Variants in FOLH1 observed in about 807,000 individuals in gnomAD.
FOLH1 encodes the protein folate hydrolase 1.
FOLH1 carries 54 observed loss-of-function variants against 93.9 expected under a neutral mutation model. The observed-to-expected ratio is 0.57, with a 90% CI of 0.46 to 0.72. The LOEUF (loss-of-function observed/expected upper bound fraction) is 0.72, where lower values mean the gene tolerates loss of function less well. Ranked by LOEUF, FOLH1 falls within the 30% of genes least tolerant of loss-of-function variation. FOLH1 has a pLI of 0.00. For synonymous variants in FOLH1, 249 were observed against 303.6 expected (o/e 0.82, Z 1.87); for missense variants, 571 against 892.5 (o/e 0.64, Z 4.59).
intron 3 of FOLH1, among the ~76,000 whole-genome samples, chr11:49,194,175 G>C (rs1165202023): frequency 6.6e-6 from 1 of 150,708 alleles, no homozygotes; most frequent in Admixed American, 6.6e-5. Context: ...TATCCTTCAG[G>C]GTTAAGGATA....
chr11:49,171,088 T>C, intron 11 of FOLH1, 107 bp downstream of exon 11: 5 of 1,266,268 alleles, frequency 3.9e-6, no homozygotes, highest in Non-Finnish European at 5.2e-6. Context: ...GGAAAAAACT[T>C]TGAATACTTT....
intron 12 of FOLH1, among the ~76,000 whole-genome samples, chr11:49,166,710 C>T (rs2950754): frequency 1.3e-5 from 2 of 149,746 alleles, no homozygotes; most frequent in Non-Finnish European, 3.0e-5. Context: ...GAGAAAGAAA[C>T]ATTAATACAA....
chr11:49,188,967 G>A (rs1861717248), intron 4 of FOLH1, among the ~76,000 whole-genome samples: 1 of 152,146 alleles, frequency 6.6e-6, no homozygotes, highest in Non-Finnish European at 1.5e-5. Context: ...CTAAGAATTT[G>A]TTACATAGCT....
intron 15 of FOLH1, among the ~76,000 whole-genome samples, chr11:49,156,294 T>C (rs1216045080): frequency 6.6e-6 from 1 of 152,160 alleles, no homozygotes; most frequent in Non-Finnish European, 1.5e-5. Flanking sequence ...ATTTGTTTAA[T>C]AATTGGAGAT....
chr11:49,161,370 C>T (rs540217394), intron 13 of FOLH1, among the ~76,000 whole-genome samples: 7 of 152,148 alleles, frequency 4.6e-5, no homozygotes, highest in African/African-American at 7.2e-5. Flanking sequence ...AATCCTTTAC[C>T]GTTACGTGAT....
At chr11:49,159,995 T>C (rs1397518802) in intron 13 of FOLH1, among the ~76,000 whole-genome samples, 1 of 152,012 alleles carries the variant, frequency 6.6e-6, no homozygotes, top group Non-Finnish European at 1.5e-5. Context: ...CGATCTCTGC[T>C]CACTGCAACC....
chr11:49,180,492 A>T (rs1231434817), intron 7 of FOLH1, among the ~76,000 whole-genome samples: 1 of 152,226 alleles, frequency 6.6e-6, no homozygotes, highest in African/African-American at 2.4e-5. Flanking sequence ...AGTTCTCAGC[A>T]TTCTTCGGCC....
intron 13 of FOLH1, among the ~76,000 whole-genome samples, chr11:49,158,730 C>A (rs1590446743): frequency 6.6e-6 from 1 of 152,060 alleles, no homozygotes; most frequent in South Asian, 2.1e-4. Context: ...GCAATATGGC[C>A]GTTTTAATGA....
chr11:49,187,936 T>C lies in FOLH1; in HGVS notation c.514-1167A>G, dbSNP rs372955931. Among the ~76,000 whole-genome samples, 335 of 152,338 alleles carry C rather than the reference T, an allele frequency of 2.2e-3. 15 individuals are homozygous for C. The South Asian group carries it at 0.067, about 31-fold the overall frequency. ...TGAGAAACTATTCCAGACCTCCTTA[T>C]GGGCTTAGCCAAGGCTATCCTTCAG... On this transcript the variant is annotated intron_variant, in intron 4 of 18. Coordinates refer to ENST00000256999, the MANE Select transcript of FOLH1 (RefSeq NM_004476.3).
At chr11:49,154,118 G>T in intron 16 of FOLH1, 110 bp downstream of exon 16, 3 of 1,473,982 alleles carry the variant, frequency 2.0e-6, no homozygotes, top group South Asian at 2.7e-5. Flanking sequence ...ACAGAATATT[G>T]GATCACTTGA....
At chr11:49,161,826 C>A (rs920640455) in intron 13 of FOLH1, among the ~76,000 whole-genome samples, 2 of 152,200 alleles carry the variant, frequency 1.3e-5, no homozygotes, top group Non-Finnish European at 2.9e-5. Context: ...CTGGTGGTAA[C>A]AAATTCCCTC....
At chr11:49,177,705 T>C (rs626706) in intron 7 of FOLH1, among the ~76,000 whole-genome samples, 2 of 148,418 alleles carry the variant, frequency 1.3e-5, no homozygotes, top group Non-Finnish European at 3.0e-5. Context: ...CCCAGCACTT[T>C]GGGAGGGCGA....
At chr11:49,186,554 A>G (rs1861406923) in intron 5 of FOLH1, 90 bp downstream of exon 5, 1 of 1,405,636 alleles carries the variant, frequency 7.1e-7, no homozygotes, top group African/African-American at 1.4e-5. Context: ...TGGTATTCAT[A>G]AAGTTTTAAG....
intron 12 of FOLH1, among the ~76,000 whole-genome samples, chr11:49,165,210 C>T (rs1029610993): frequency 6.6e-6 from 1 of 152,112 alleles, no homozygotes; most frequent in African/African-American, 2.4e-5. Context: ...TCTTGTTTCT[C>T]TATATTACTC....
At chr11:49,186,112 C>G in intron 5 of FOLH1, 1 of 541,914 alleles carries the variant, frequency 1.8e-6, no homozygotes, top group East Asian at 4.9e-5. Context: ...CTACCACTAG[C>G]TTACAAATAT....
Position 49,146,710 on chromosome 11 carries a change from A to C in FOLH1, c.*46T>G. 1 of 1,537,844 alleles carries C rather than the reference A, an allele frequency of 6.5e-7. No homozygotes were observed. Among genetic ancestry groups the C allele is most frequent in the Non-Finnish European group, 8.7e-7 (1 of 1,142,956 alleles). On this transcript the variant is annotated 3_prime_UTR_variant, in exon 19 of 19. Transcript: ENST00000256999. The stretch of plus-strand genomic sequence containing the variant: ...AATATACCCATTACGATTCTTTCTG[A>C]GTGACATACCACACAAATTCAATAC...
chr11:49,157,928 T>C (rs769169561), intron 14 of FOLH1, 24 bp downstream of exon 14: 5 of 1,556,266 alleles, frequency 3.2e-6, no homozygotes, highest in Admixed American at 1.9e-5. Flanking sequence ...CTGAATTCAG[T>C]GGAAACTTCA....
Position 49,148,645 on chromosome 11 carries a change from A to G in FOLH1, c.2057T>C (p.Phe686Ser). Residue 686 changes from phenylalanine (F) to serine (S), a missense_variant, in exon 18 of 19, where the codon TTT (phenylalanine) becomes TCT (serine). Coordinates refer to ENST00000256999, the MANE Select transcript of FOLH1 (RefSeq NM_004476.3). ...TCATATTTTCTTTTCTTACCTATAAAAAGGCCTGTCTGGTAACCCTAATGG... is the reference window on the plus strand; with the variant it reads ...TCATATTTTCTTTTCTTACCTATAAGAAGGCCTGTCTGGTAACCCTAATGG... Reference protein sequence around the residue: ...IDPLGLPDRPFYRHVIYAPSS... With the variant: ...IDPLGLPDRPSYRHVIYAPSS... The G allele has an allele frequency of 6.3e-7, 1 of 1,588,586 alleles. No homozygotes were observed. The highest frequency in any genetic ancestry group is 8.5e-7 in the Non-Finnish European group (1 of 1,171,342).
intron 7 of FOLH1, among the ~76,000 whole-genome samples, chr11:49,180,375 C>T (rs1860578350): frequency 6.6e-6 from 1 of 152,116 alleles, no homozygotes; most frequent in Admixed American, 6.5e-5. Context: ...GTTCAGGGTA[C>T]ATGTAAAGAA....
Sources: gnomAD v4.1 joint callset for allele counts (sites outside exome capture counted in the v4.1 genomes callset) on GRCh38, gnomAD v4.1.1 for gene constraint, MANE v1.5 for transcripts, NCBI Gene and HGNC (gene_info 2026-07-23, HGNC 2026-07-21) for gene names.